SLC30A8: variants seen among roughly 807,000 people sequenced by gnomAD.
SLC30A8 encodes solute carrier family 30 member 8.
A neutral mutation model predicts 36.9 loss-of-function variants in SLC30A8; 27 were observed. The ratio of observed to expected loss-of-function variants is 0.73; its 90% CI spans 0.54 to 1.01. SLC30A8 has a LOEUF of 1.01. SLC30A8 is among the 50% of genes least tolerant of loss of function. SLC30A8 has a pLI of 0.00. For missense variants in SLC30A8, 439 were observed against 452.0 expected, an observed-to-expected ratio of 0.97 and a Z score of 0.26; for synonymous variants, 164 against 172.4, an observed-to-expected ratio of 0.95 and a Z score of 0.38.
intron 2 of SLC30A8, among the ~76,000 whole-genome samples, chr8:117,115,946 C>T (rs910407379): frequency 2.0e-5 from 3 of 152,002 alleles, no homozygotes; most frequent in Non-Finnish European, 4.4e-5. Flanking sequence ...AGAGCAAGCA[C>T]ATTGTTTTGC....
At chr8:117,073,908 A>G (rs1046254937) in intron 2 of SLC30A8, among the ~76,000 whole-genome samples, 1 of 151,838 alleles carries the variant, frequency 6.6e-6, no homozygotes, top group African/African-American at 2.4e-5. Context: ...GGGACCTGAC[A>G]GTCTACTCAT....
chr8:116,983,599 A>C (rs1412091629), intron 1 of SLC30A8, among the ~76,000 whole-genome samples: 1 of 152,126 alleles, frequency 6.6e-6, no homozygotes. Context: ...TATCAACACG[A>C]AATGTCCCTG....
intron 1 of SLC30A8, among the ~76,000 whole-genome samples, chr8:117,004,045 A>G (rs1475711578): frequency 6.6e-6 from 1 of 152,230 alleles, no homozygotes; most frequent in Non-Finnish European, 1.5e-5. Context: ...GGTGGATGAT[A>G]TTGAAAATTA....
chr8:117,069,352 A>G (rs1818259702), intron 2 of SLC30A8, among the ~76,000 whole-genome samples: 1 of 152,238 alleles, frequency 6.6e-6, no homozygotes, highest in Non-Finnish European at 1.5e-5. Context: ...GAGTTATTTC[A>G]GTAATTATCA....
In SLC30A8 at chr8:117,046,906, C is replaced by T. The variant is rs188228630; in HGVS notation, c.-226+7648C>T. 1.1e-3 allele frequency among the ~76,000 whole-genome samples: 172 copies of T among 152,258 alleles called. 1 individual carries two copies. The highest frequency in any genetic ancestry group is 4.1e-3 in the African/African-American group (170 of 41,518). On this transcript the variant is annotated intron_variant, in intron 2 of 10. Transcript: ENST00000427715. ...TTGTTATTAACTATCTCAGCCTCTC[C>T]TTTTTCTAAATTTGTAATAAATTCC...
chr8:117,092,118 A>T (rs893777771), intron 2 of SLC30A8, among the ~76,000 whole-genome samples: 2 of 152,202 alleles, frequency 1.3e-5, no homozygotes, highest in Non-Finnish European at 2.9e-5. Flanking sequence ...GTATTGGTAG[A>T]ACTGTAACAA....
At chr8:117,012,573 G>C (rs1474483827) in intron 1 of SLC30A8, among the ~76,000 whole-genome samples, 1 of 151,804 alleles carries the variant, frequency 6.6e-6, no homozygotes, top group Non-Finnish European at 1.5e-5. Context: ...GATGTGTGTA[G>C]GTTATATGCA....
chr8:116,992,632 A>G (rs1294303530), intron 1 of SLC30A8, among the ~76,000 whole-genome samples: 1 of 152,196 alleles, frequency 6.6e-6, no homozygotes, highest in African/African-American at 2.4e-5. Flanking sequence ...CAGTCTCTCT[A>G]TGAGGAGCTT....
intron 2 of SLC30A8, among the ~76,000 whole-genome samples, chr8:117,042,182 A>G (rs558693823): frequency 2.0e-5 from 3 of 152,222 alleles, no homozygotes; most frequent in African/African-American, 4.8e-5. Flanking sequence ...CAAAGACATT[A>G]TGATGTCTTT....
At chr8:117,132,091 T>A (rs546222151), upstream of SLC30A8, among the ~76,000 whole-genome samples, 1 of 152,176 alleles carries the variant, frequency 6.6e-6, no homozygotes, top group South Asian at 2.1e-4. Context: ...CTATGTCTGA[T>A]TTAAAAAGAT....
At chr8:117,018,704 T>C (rs968098880) in intron 1 of SLC30A8, among the ~76,000 whole-genome samples, 2 of 135,214 alleles carry the variant, frequency 1.5e-5, no homozygotes, top group Non-Finnish European at 3.1e-5. Flanking sequence ...TCTTGTTCTG[T>C]TGCCCAGGCT....
At chr8:116,975,700 T>G (rs545129402) in intron 1 of SLC30A8, among the ~76,000 whole-genome samples, 64 of 152,192 alleles carry the variant, frequency 4.2e-4, no homozygotes, top group Admixed American at 7.2e-4. Flanking sequence ...ATTGGCCAGT[T>G]TTAAGCAGAG....
intron 2 of SLC30A8, among the ~76,000 whole-genome samples, chr8:117,079,158 C>T (rs548208848): frequency 3.3e-5 from 5 of 152,034 alleles, no homozygotes; most frequent in South Asian, 2.1e-4. Flanking sequence ...ATTGCAGGTG[C>T]GGGCCACCAT....
At chr8:117,152,242 A>G (rs1362941970) in intron 2 of SLC30A8, among the ~76,000 whole-genome samples, 3 of 152,130 alleles carry the variant, frequency 2.0e-5, no homozygotes, top group East Asian at 1.9e-4. Flanking sequence ...TTTAACTTCT[A>G]TTTTGGAGGC....
intron 1 of SLC30A8, among the ~76,000 whole-genome samples, chr8:116,958,112 C>T (rs960752950): frequency 6.6e-6 from 1 of 152,192 alleles, no homozygotes; most frequent in South Asian, 2.1e-4. Flanking sequence ...TGATGTTGAA[C>T]ACATTGTGCT....
At chr8:117,034,873 GAAAC>G (rs990307150) in intron 1 of SLC30A8, among the ~76,000 whole-genome samples, 8 of 152,078 alleles carry the variant, frequency 5.3e-5, no homozygotes, top group Admixed American at 2.0e-4. Flanking sequence ...GACAGAGAAA[GAAAC>G]AGACAGAAAG....
At chr8:117,093,915 G>A (rs1563591233) in intron 2 of SLC30A8, among the ~76,000 whole-genome samples, 1 of 152,214 alleles carries the variant, frequency 6.6e-6, no homozygotes, top group African/African-American at 2.4e-5. Flanking sequence ...CTGTGCACAG[G>A]CAGGCACACC....
intron 2 of SLC30A8, among the ~76,000 whole-genome samples, chr8:117,064,838 C>T (rs928375130): frequency 1.3e-5 from 2 of 152,114 alleles, no homozygotes; most frequent in East Asian, 1.9e-4. Flanking sequence ...TATGTGAGGG[C>T]GGGAAATTTA....
intron 1 of SLC30A8, among the ~76,000 whole-genome samples, chr8:116,986,386 G>A (rs1477866356): frequency 6.6e-6 from 1 of 152,088 alleles, no homozygotes. Context: ...TCTCCTGGTT[G>A]GGGAATCAGG....
Sources: gnomAD v4.1 joint callset for allele counts (sites outside exome capture counted in the v4.1 genomes callset) on GRCh38, gnomAD v4.1.1 for gene constraint, MANE v1.5 for transcripts, NCBI Gene and HGNC (gene_info 2026-07-23, HGNC 2026-07-21) for gene names.